The following LRFN2 variants were observed in gnomAD, a reference collection of about 807,000 sequenced individuals.
LRFN2 encodes the protein leucine rich repeat and fibronectin type III domain containing 2.
A neutral mutation model predicts 37.3 loss-of-function variants in LRFN2; 18 were observed. That is an observed-to-expected ratio of 0.48 (90% CI 0.33 to 0.72). LRFN2 has a LOEUF of 0.72. Ranked by LOEUF, LRFN2 falls within the 30% of genes least tolerant of loss-of-function variation. The pLI, the probability that LRFN2 is intolerant of heterozygous loss-of-function variation, is 0.02. For missense variants in LRFN2, 1,006 were observed against 1,060.7 expected (o/e 0.95, Z 0.72); for synonymous variants, 556 against 466.6 (o/e 1.19, Z -2.47).
chr6:40,521,619 G>A (rs1472002865), intron 1 of LRFN2, among the ~76,000 whole-genome samples: 1 of 152,158 alleles, frequency 6.6e-6, no homozygotes, highest in Non-Finnish European at 1.5e-5. Flanking sequence ...AGATGCTCTG[G>A]GCTCTGCCCT....
At chr6:40,418,634 G>A (rs1763148713) in intron 2 of LRFN2, among the ~76,000 whole-genome samples, 1 of 152,170 alleles carries the variant, frequency 6.6e-6, no homozygotes, top group Non-Finnish European at 1.5e-5. Flanking sequence ...AGCAACAGGA[G>A]GAAGCCCAAA....
intron 2 of LRFN2, among the ~76,000 whole-genome samples, chr6:40,419,893 T>C (rs1763181064): frequency 6.6e-6 from 1 of 152,214 alleles, no homozygotes; most frequent in African/African-American, 2.4e-5. Flanking sequence ...GCAATTCATT[T>C]ACGTTTTAAC....
intron 1 of LRFN2, among the ~76,000 whole-genome samples, chr6:40,554,221 A>G (rs971379365): frequency 2.0e-5 from 3 of 152,218 alleles, no homozygotes; most frequent in African/African-American, 7.2e-5. Context: ...GGCTACCTGG[A>G]AGTCAGGATG....
intron 1 of LRFN2, among the ~76,000 whole-genome samples, chr6:40,537,698 G>A (rs1239906297): frequency 6.6e-6 from 1 of 152,048 alleles, no homozygotes; most frequent in Admixed American, 6.5e-5. Context: ...CTCCACTGTC[G>A]GGGCAGAGAC....
At chr6:40,468,422 A>G (rs1764521072) in intron 1 of LRFN2, among the ~76,000 whole-genome samples, 1 of 152,180 alleles carries the variant, frequency 6.6e-6, no homozygotes, top group African/African-American at 2.4e-5. Flanking sequence ...AAGCAAAGGA[A>G]TCAGTGAGAG....
At chr6:40,531,845 C>T (rs1210099409) in intron 1 of LRFN2, among the ~76,000 whole-genome samples, 4 of 152,170 alleles carry the variant, frequency 2.6e-5, no homozygotes, top group African/African-American at 9.7e-5. Context: ...CTATCATCTA[C>T]ATTCCAGTAA....
At chr6:40,573,514 G>A (rs551225392) in intron 1 of LRFN2, among the ~76,000 whole-genome samples, 1 of 152,216 alleles carries the variant, frequency 6.6e-6, no homozygotes, top group East Asian at 1.9e-4. Flanking sequence ...CCATAAATGT[G>A]GGCAGCTAAG....
chr6:40,465,576 A>G lies in LRFN2; in HGVS notation c.-18-32445T>C, dbSNP rs553336163. On this transcript the variant is annotated intron_variant, in intron 1 of 2. Transcript: ENST00000338305. ...TGGTTTACTTCTGGGAAAATCCAAC[A>G]TAAGATATTAATTAATTGGAGAAAA... 8.6e-4 allele frequency among the ~76,000 whole-genome samples: 131 copies of G among 152,290 alleles called. 1 individual carries two copies. Among genetic ancestry groups the G allele is most frequent in the Middle Eastern group, 3.4e-3 (1 of 294 alleles).
At position 40,420,562 on chromosome 6, in the gene LRFN2, C is replaced by T. The variant is rs1025153332; in HGVS notation, c.1400+11152G>A. ...AGGTGCCAAGAAATGCTCACAGCAG[C>T]GATGCTTTCGCCCATGCAGCTCTGT... On this transcript the variant is annotated intron_variant, in intron 2 of 2. Coordinates refer to ENST00000338305, the MANE Select transcript of LRFN2 (RefSeq NM_020737.3). Among the ~76,000 whole-genome samples, 20 of 152,360 alleles carry T rather than the reference C, an allele frequency of 1.3e-4. No homozygotes were observed. The East Asian group carries it at 3.7e-3, about 28-fold the overall frequency.
intron 1 of LRFN2, among the ~76,000 whole-genome samples, chr6:40,523,669 C>A (rs1766157078): frequency 6.6e-6 from 1 of 152,098 alleles, no homozygotes; most frequent in Non-Finnish European, 1.5e-5. Flanking sequence ...TATGATTGCA[C>A]CAGAAATAAG....
chr6:40,550,725 T>G (rs974210261), intron 1 of LRFN2, among the ~76,000 whole-genome samples: 1 of 152,180 alleles, frequency 6.6e-6, no homozygotes, highest in Non-Finnish European at 1.5e-5. Flanking sequence ...TGGTGTATAT[T>G]GGGTGTGTTG....
rs1765942265 is a variant in LRFN2, at chr6:40,518,292, C to T, written c.-19+68649G>A. 2.0e-5 allele frequency among the ~76,000 whole-genome samples: 3 copies of T among 152,216 alleles called. 1 individual carries two copies. In the South Asian group the frequency reaches 6.2e-4, roughly 32 times the overall value. On this transcript the variant is annotated intron_variant, in intron 1 of 2. Transcript: ENST00000338305. ...ATTCTGTTCCCTGCTCTCTCTCCAG[C>T]TGGTGACCAATAAATATTTGTTCAA...
At chr6:40,431,646 A>G in intron 2 of LRFN2, 68 bp downstream of exon 2, 2 of 1,367,940 alleles carry the variant, frequency 1.5e-6, no homozygotes, top group Non-Finnish European at 2.0e-6. Flanking sequence ...CAGCCCCAAG[A>G]CCTCCCCATC....
intron 2 of LRFN2, among the ~76,000 whole-genome samples, chr6:40,424,936 G>A (rs1763315557): frequency 6.6e-6 from 1 of 152,246 alleles, no homozygotes; most frequent in Non-Finnish European, 1.5e-5. Context: ...CCCCACAGTA[G>A]AGATGGCTGT....
chr6:40,460,203 C>T (rs888864214), intron 1 of LRFN2, among the ~76,000 whole-genome samples: 3 of 152,114 alleles, frequency 2.0e-5, no homozygotes, highest in Admixed American at 6.5e-5. Flanking sequence ...GTTAGTCAAC[C>T]GAGACAGTGA....
intron 1 of LRFN2, among the ~76,000 whole-genome samples, chr6:40,550,933 A>G (rs978121548): frequency 1.3e-5 from 2 of 152,198 alleles, no homozygotes; most frequent in Admixed American, 6.5e-5. Context: ...TTAAATGTGC[A>G]TATGTAGTAC....
At chr6:40,431,324 AAGGTCAAATGC>A (rs1240818716) in intron 2 of LRFN2, among the ~76,000 whole-genome samples, 1 of 152,174 alleles carries the variant, frequency 6.6e-6, no homozygotes, top group Non-Finnish European at 1.5e-5. Context: ...AGTCCAGGTG[AAGGTCAAATGC>A]ATGCCTCTTT....
intron 1 of LRFN2, among the ~76,000 whole-genome samples, chr6:40,448,064 C>T (rs1214098628): frequency 6.6e-6 from 1 of 152,282 alleles, no homozygotes; most frequent in East Asian, 1.9e-4. Flanking sequence ...CACGAGTGCT[C>T]CTAGTGTTAG....
chr6:40,559,598 C>T (rs1010255716), intron 1 of LRFN2, among the ~76,000 whole-genome samples: 13 of 152,084 alleles, frequency 8.5e-5, no homozygotes, highest in African/African-American at 1.4e-4. Flanking sequence ...CTAGCTAATA[C>T]CTTGCTAATA....
Sources: allele counts gnomAD v4.1 joint callset (sites outside exome capture counted in the v4.1 genomes callset), GRCh38; gene constraint gnomAD v4.1.1; transcripts MANE v1.5; gene names NCBI Gene and HGNC (gene_info 2026-07-23, HGNC 2026-07-21).